SYCP2: variants seen among roughly 807,000 people sequenced by gnomAD.
SYCP2 encodes synaptonemal complex protein 2.
In SYCP2, 55 loss-of-function variants were observed where a neutral mutation model predicts 211.3. That is an observed-to-expected ratio of 0.26 (90% CI 0.21 to 0.33). The LOEUF is 0.33. Among genes scored for constraint, SYCP2 ranks in the 10% least tolerant of loss-of-function variants. The probability of loss-of-function intolerance (pLI) is 1.00; values close to 1 mark genes in which losing one functional copy is unlikely to be tolerated. For synonymous variants in SYCP2, 570 were observed against 555.2 expected (o/e 1.03, Z -0.37); for missense variants, 1,731 against 1,752.0 (o/e 0.99, Z 0.21).
chr20:59,886,604 A>G lies in SYCP2; in HGVS notation c.2492+103T>C, dbSNP rs369959889. 3.7e-6 allele frequency: 3 copies of G among 811,486 alleles called. No individual in the cohort carries two copies. The East Asian group carries it at 9.2e-5, about 25-fold the overall frequency. 50.3% of individuals were successfully genotyped at this position (811,486 alleles called of 1,614,324 possible). A position where few individuals can be genotyped will look rare whatever the true frequency, so the allele number is the denominator to read the frequency against. ...AGTAACCATGTGTTTTCTACTGAAAAGTTACATTATCTGAACCTATGTTTA... is the reference window on the plus strand; with the variant it reads ...AGTAACCATGTGTTTTCTACTGAAAGGTTACATTATCTGAACCTATGTTTA... On this transcript the variant is annotated intron_variant, in intron 25 of 44. Coordinates refer to ENST00000357552, the MANE Select transcript of SYCP2 (RefSeq NM_014258.4).
intron 8 of SYCP2, 42 bp from the exon 9 acceptor site, chr20:59,915,592 T>C (rs750688413): frequency 1.9e-5 from 23 of 1,184,810 alleles, no homozygotes; most frequent in Non-Finnish European, 2.5e-5. Flanking sequence ...TTACATTCAG[T>C]GAAACACTAT....
intron 31 of SYCP2, among the ~76,000 whole-genome samples, chr20:59,880,090 A>C (rs931488900): frequency 2.0e-5 from 3 of 151,316 alleles, no homozygotes; most frequent in Non-Finnish European, 4.4e-5. Flanking sequence ...GATAATGATA[A>C]GTCATAATTT....
chr20:59,868,092 T>C (rs976880032), intron 38 of SYCP2, among the ~76,000 whole-genome samples: 1 of 151,836 alleles, frequency 6.6e-6, no homozygotes, highest in Non-Finnish European at 1.5e-5. Context: ...CTGGAACATT[T>C]ATGGATTATT....
intron 19 of SYCP2, 101 bp downstream of exon 19, chr20:59,896,328 C>A: frequency 4.8e-6 from 3 of 629,568 alleles, no homozygotes; most frequent in South Asian, 2.3e-5. Context: ...TTTTATACAC[C>A]AAACTTATCC....
intron 12 of SYCP2, 142 bp downstream of exon 12, chr20:59,913,833 T>C: frequency 2.1e-6 from 1 of 487,676 alleles, no homozygotes; most frequent in Non-Finnish European, 3.4e-6. Flanking sequence ...GTTATTGTTT[T>C]AAATTATCTA....
chr20:59,879,963 C>T (rs1195900438), intron 31 of SYCP2, among the ~76,000 whole-genome samples: 1 of 148,698 alleles, frequency 6.7e-6, no homozygotes, highest in Non-Finnish European at 1.5e-5. Flanking sequence ...AAAGTTCAAG[C>T]CTTGGTCTTA....
chr20:59,909,079 T>C (rs868756804), intron 14 of SYCP2, among the ~76,000 whole-genome samples: 9 of 152,166 alleles, frequency 5.9e-5, no homozygotes, highest in African/African-American at 2.2e-4. Context: ...AAACCTCCTT[T>C]CCTTTGTCGT....
In SYCP2 at chr20:59,872,631, T is replaced by C. The variant is rs963224863; in HGVS notation, c.3555+1225A>G. On this transcript the variant is annotated intron_variant, in intron 35 of 44. Transcript: ENST00000357552. ...GCTATCCTCCATTTCAGGCATCTAT[T>C]GGGGGGGTCTTGGAACGTATTCCCT... Among the ~76,000 whole-genome samples, 9 of 151,790 alleles carry C rather than the reference T, an allele frequency of 5.9e-5. No homozygotes were observed. In the East Asian group the frequency reaches 1.7e-3, roughly 29 times the overall value.
chr20:59,914,580 G>A (rs2060397076), intron 10 of SYCP2, among the ~76,000 whole-genome samples: 1 of 151,956 alleles, frequency 6.6e-6, no homozygotes, highest in African/African-American at 2.4e-5. Context: ...AAGTTACAAA[G>A]TCTGTTTTCC....
At chr20:59,875,230 T>A in intron 34 of SYCP2, 41 bp downstream of exon 34, 1 of 1,267,342 alleles carries the variant, frequency 7.9e-7, no homozygotes, top group Non-Finnish European at 1.1e-6. Flanking sequence ...TATAGAAAAC[T>A]ATTGAATATT....
In SYCP2 at chr20:59,913,818, A is replaced by G. The variant is rs2060379065; in HGVS notation, c.830+157T>C. On this transcript the variant is annotated intron_variant, in intron 12 of 44. Transcript: ENST00000357552. ...ATTACTGGTGTAGTAATTTGCTAAA[A>G]TCATGTTATTGTTTTAAATTATCTA... Among the ~76,000 whole-genome samples, 4 of 152,112 alleles carry G rather than the reference A, an allele frequency of 2.6e-5. No homozygotes were observed. The South Asian group carries it at 8.3e-4, about 31-fold the overall frequency.
chr20:59,892,400 T>C lies in SYCP2; in HGVS notation c.1954A>G (p.Lys652Glu), dbSNP rs1399266010. ...GATATTGAAGAGGATGATTTTTGTT[T>C]AGTAAGTTTTTTATTTATAACAATA... ...QDIVINKKLTKQKSSSSISDH... is the reference protein window; with the variant it reads ...QDIVINKKLTEQKSSSSISDH... Residue 652 changes from lysine (K) to glutamate (E), a missense_variant, in exon 24 of 45, where the codon AAA (lysine) becomes GAA (glutamate). Lys to Glu is a moderately conservative substitution (Grantham distance 56). Coordinates refer to ENST00000357552, the MANE Select transcript of SYCP2 (RefSeq NM_014258.4). The C allele has an allele frequency of 1.9e-6, 3 of 1,542,746 alleles. 1 individual carries two copies. The South Asian group carries it at 3.6e-5, about 19-fold the overall frequency.
chr20:59,900,307 A>G (rs765034688), intron 17 of SYCP2, 23 bp from the exon 18 acceptor site: 2 of 1,557,976 alleles, frequency 1.3e-6, no homozygotes, highest in Non-Finnish European at 1.7e-6. Flanking sequence ...ATGAAAAAAA[A>G]AGTATTTAAA....
At chr20:59,923,688 G>A (rs2060581905) in intron 2 of SYCP2, among the ~76,000 whole-genome samples, 1 of 150,992 alleles carries the variant, frequency 6.6e-6, no homozygotes, top group Non-Finnish European at 1.5e-5. Context: ...GTCAAGAGAG[G>A]GAGACTCTGT....
chr20:59,896,623 C>T (rs575370423), intron 18 of SYCP2, 95 bp from the exon 19 acceptor site: 13 of 623,444 alleles, frequency 2.1e-5, no homozygotes, highest in African/African-American at 2.0e-4. Flanking sequence ...TTGATACATG[C>T]CAAAGATATA....
intron 24 of SYCP2, 48 bp downstream of exon 24, chr20:59,891,942 G>T: frequency 1.4e-6 from 2 of 1,437,518 alleles, no homozygotes; most frequent in Non-Finnish European, 1.9e-6. Flanking sequence ...ATGTTATCAA[G>T]TAGGCATCTT....
Position 59,867,695 on chromosome 20 carries a change from T to G in SYCP2, c.4125+16A>C. 1.3e-6 allele frequency: 2 copies of G among 1,594,630 alleles called. No homozygotes were observed. The highest frequency in any genetic ancestry group is 3.4e-5 in the Admixed American group (2 of 59,228). ...TATATTATTGGGTATAAATCATAAT[T>G]TAAAGAATAACTCACATTATTCCTT... is the stretch of plus-strand genomic sequence containing the variant. On this transcript the variant is annotated intron_variant, in intron 39 of 44. Transcript: ENST00000357552.
At chr20:59,868,783 C>A in intron 37 of SYCP2, 52 bp downstream of exon 37, 1 of 1,432,694 alleles carries the variant, frequency 7.0e-7, no homozygotes, top group Non-Finnish European at 9.6e-7. Flanking sequence ...GTTGAAATGT[C>A]ACGTAGCATT....
At chr20:59,903,477 T>C (rs1036143726) in intron 15 of SYCP2, among the ~76,000 whole-genome samples, 3 of 152,098 alleles carry the variant, frequency 2.0e-5, no homozygotes, top group Admixed American at 1.3e-4. Context: ...CCCATTGATA[T>C]ACTGAGAGAA....
Sources: allele counts gnomAD v4.1 joint callset (sites outside exome capture counted in the v4.1 genomes callset), GRCh38; gene constraint gnomAD v4.1.1; transcripts MANE v1.5; gene names NCBI Gene and HGNC (gene_info 2026-07-23, HGNC 2026-07-21).